The following NDST3 variants were observed in gnomAD, a reference collection of about 807,000 sequenced individuals.
NDST3 encodes bifunctional heparan sulfate N-deacetylase/N-sulfotransferase 3.
In NDST3, 58 loss-of-function variants were observed where a neutral mutation model predicts 96.1. That is an observed-to-expected ratio of 0.60 (90% CI 0.49 to 0.75). The LOEUF is 0.75. NDST3 is among the 30% of genes least tolerant of loss of function. The pLI is 0.00. For missense variants in NDST3, 788 were observed against 1,034.2 expected (o/e 0.76, Z 3.27); for synonymous variants, 333 against 359.7 (o/e 0.93, Z 0.84).
At chr4:118,235,048 G>GGAAGGAAGGAAA (rs1553948153) in intron 9 of NDST3, among the ~76,000 whole-genome samples, 9 of 127,716 alleles carry the variant, frequency 7.0e-5, no homozygotes, top group South Asian at 2.6e-4. Flanking sequence ...GAAAAAAAAA[G>GGAAGGAAGGAAA]GAAGGAAGGA....
In NDST3 at chr4:118,255,760, T is replaced by G; in HGVS notation, c.*48T>G. ...TCATCGTCCATGTAGAACACACCTT[T>G]TCCAAAGCTTCCAGAAGCTACCAAA... On this transcript the variant is annotated 3_prime_UTR_variant, in exon 14 of 14. Coordinates refer to ENST00000296499, the MANE Select transcript of NDST3 (RefSeq NM_004784.3). 6.7e-7 allele frequency: 1 copy of G among 1,501,986 alleles called. No individual in the cohort carries two copies. The highest frequency in any genetic ancestry group is 1.3e-5 in the South Asian group (1 of 75,294). The allele number at this position is 1,501,986 out of a possible 1,614,324, so 93.0% of individuals were successfully genotyped here.
At chr4:118,110,194 G>C (rs1184028453) in intron 3 of NDST3, among the ~76,000 whole-genome samples, 11 of 152,142 alleles carry the variant, frequency 7.2e-5, no homozygotes, top group Admixed American at 4.6e-4. Flanking sequence ...CCAAATCACT[G>C]AGATCCAGTA....
chr4:118,149,902 T>G (rs1327437087), intron 6 of NDST3, among the ~76,000 whole-genome samples: 1 of 151,806 alleles, frequency 6.6e-6, no homozygotes, highest in Non-Finnish European at 1.5e-5. Flanking sequence ...TTGTCATAGA[T>G]AGCTCTTATT....
chr4:118,169,332 A>G, intron 6 of NDST3, among the ~76,000 whole-genome samples: 1 of 152,188 alleles, frequency 6.6e-6, no homozygotes, highest in Non-Finnish European at 1.5e-5. Flanking sequence ...AAGGCATAAT[A>G]ATGTAATGTA....
chr4:118,202,748 A>G (rs111288461), intron 6 of NDST3, among the ~76,000 whole-genome samples: 1 of 152,206 alleles, frequency 6.6e-6, no homozygotes, highest in East Asian at 1.9e-4. Context: ...GTATAGAATT[A>G]TGTTATCAGC....
intron 12 of NDST3, among the ~76,000 whole-genome samples, chr4:118,245,681 A>G (rs990701810): frequency 2.6e-5 from 4 of 152,170 alleles, no homozygotes; most frequent in African/African-American, 9.7e-5. Context: ...AACACCTAGA[A>G]ATGCTGAGTA....
At chr4:118,188,853 C>A in intron 6 of NDST3, among the ~76,000 whole-genome samples, 1 of 152,002 alleles carries the variant, frequency 6.6e-6, no homozygotes, top group Non-Finnish European at 1.5e-5. Context: ...TCAAAAACTG[C>A]ATCAGAATTA....
chr4:118,192,404 T>C (rs570268976), intron 6 of NDST3, among the ~76,000 whole-genome samples: 1 of 152,224 alleles, frequency 6.6e-6, no homozygotes, highest in African/African-American at 2.4e-5. Flanking sequence ...TGTAGTAGTT[T>C]CACAGTTTGA....
chr4:118,092,056 A>ATTTTATTTG (rs1553930188), intron 2 of NDST3, among the ~76,000 whole-genome samples: 3 of 148,388 alleles, frequency 2.0e-5, no homozygotes, highest in Non-Finnish European at 4.5e-5. Flanking sequence ...TTTCTTATTT[A>ATTTTATTTG]TTTATTTATT....
At chr4:118,242,283 C>CG (rs112443980) in intron 12 of NDST3, 134 bp downstream of exon 12, 1 of 511,570 alleles carries the variant, frequency 2.0e-6, no homozygotes, top group African/African-American at 2.0e-5. Flanking sequence ...ACATTAACCA[C>CG]GGAAAAAAAA....
chr4:118,091,912 T>C (rs1728900049), intron 2 of NDST3, among the ~76,000 whole-genome samples: 1 of 151,792 alleles, frequency 6.6e-6, no homozygotes, highest in South Asian at 2.1e-4. Context: ...TTGTTATACA[T>C]ACTTATGATG....
intron 6 of NDST3, among the ~76,000 whole-genome samples, chr4:118,173,399 AT>A (rs1736083550): frequency 6.6e-6 from 1 of 152,118 alleles, no homozygotes; most frequent in Admixed American, 6.6e-5. Context: ...TTTAAACAGA[AT>A]TTGGTCACAC....
intron 6 of NDST3, among the ~76,000 whole-genome samples, chr4:118,165,823 C>T (rs1001669024): frequency 2.0e-5 from 3 of 150,870 alleles, no homozygotes; most frequent in Non-Finnish European, 3.0e-5. Flanking sequence ...AATTTGGGTA[C>T]AAGAAAAAAA....
chr4:118,069,324 T>C (rs1726852751), intron 2 of NDST3, among the ~76,000 whole-genome samples: 1 of 152,056 alleles, frequency 6.6e-6, no homozygotes, highest in Admixed American at 6.6e-5. Flanking sequence ...AAAAGAGATC[T>C]GAGGTTGAAT....
At chr4:118,193,874 T>A in intron 6 of NDST3, 1 of 1,096,790 alleles carries the variant, frequency 9.1e-7, no homozygotes, top group Non-Finnish European at 1.4e-6. Context: ...AAAACTAGAC[T>A]CATATTCTAC....
At chr4:118,179,515 G>C (rs1287218139) in intron 6 of NDST3, among the ~76,000 whole-genome samples, 2 of 151,962 alleles carry the variant, frequency 1.3e-5, no homozygotes, top group Non-Finnish European at 2.9e-5. Context: ...GTAAGGGAGG[G>C]AAGGTGGAGG....
intron 6 of NDST3, among the ~76,000 whole-genome samples, chr4:118,157,753 T>C (rs1422418393): frequency 1.3e-5 from 2 of 152,146 alleles, no homozygotes; most frequent in African/African-American, 4.8e-5. Context: ...TGAAATGTTT[T>C]ACATATAGTC....
intron 8 of NDST3, among the ~76,000 whole-genome samples, chr4:118,231,280 G>A (rs1740272202): frequency 6.6e-6 from 1 of 151,522 alleles, no homozygotes; most frequent in Admixed American, 6.6e-5. Flanking sequence ...AGGTTGCAGT[G>A]AGCCCAGATC....
chr4:118,217,807 G>T (rs1039273173), intron 6 of NDST3, among the ~76,000 whole-genome samples: 1 of 151,658 alleles, frequency 6.6e-6, no homozygotes, highest in East Asian at 1.9e-4. Context: ...GAAAAATTTT[G>T]CTTTGGTAAA....
Sources: gnomAD v4.1 joint callset for allele counts (sites outside exome capture counted in the v4.1 genomes callset) on GRCh38, gnomAD v4.1.1 for gene constraint, MANE v1.5 for transcripts, NCBI Gene and HGNC (gene_info 2026-07-23, HGNC 2026-07-21) for gene names.